Variants in CHRDL2 observed in about 807,000 individuals in gnomAD.
CHRDL2 encodes the protein chordin-like protein 2.
Under a neutral mutation model 54.3 loss-of-function variants are expected in CHRDL2, and 41 were observed. That is an observed-to-expected ratio of 0.76 (90% CI 0.59 to 0.98). CHRDL2 has a LOEUF of 0.98. Among genes scored for constraint, CHRDL2 ranks in the 50% least tolerant of loss-of-function variants. The pLI is 0.00. For missense variants in CHRDL2, 518 were observed against 562.4 expected, an observed-to-expected ratio of 0.92 and a Z score of 0.80; for synonymous variants, 220 against 224.3, an observed-to-expected ratio of 0.98 and a Z score of 0.17.
At chr11:74,700,304 G>A (rs1012805287) in intron 9 of CHRDL2, among the ~76,000 whole-genome samples, 6 of 152,228 alleles carry the variant, frequency 3.9e-5, no homozygotes, top group African/African-American at 1.2e-4. Flanking sequence ...TGGAGCCAGC[G>A]TTTGAGGCTC....
chr11:74,704,071 C>T (rs1422145382), intron 7 of CHRDL2, among the ~76,000 whole-genome samples: 1 of 152,214 alleles, frequency 6.6e-6, no homozygotes, highest in Non-Finnish European at 1.5e-5. Flanking sequence ...AACTGTCCCT[C>T]AGCACACTTC....
chr11:74,723,333 C>G (rs530908998), intron 1 of CHRDL2, among the ~76,000 whole-genome samples: 1 of 152,214 alleles, frequency 6.6e-6, no homozygotes, highest in South Asian at 2.1e-4. Flanking sequence ...ATACAGTAGT[C>G]CCCCCTCATC....
chr11:74,708,311 CCTGGCAGCAGGAGT>C lies in CHRDL2; in HGVS notation c.503_516del (p.Asp168GlyfsTer5), dbSNP rs2034075831. 6.3e-7 allele frequency: 1 copy of C among 1,579,270 alleles called. No homozygotes were observed. The highest frequency in any genetic ancestry group is 1.8e-5 in the Admixed American group (1 of 54,614). On this transcript the variant is annotated frameshift_variant, in exon 5 of 11. Coordinates refer to ENST00000376332, the MANE Select transcript of CHRDL2 (RefSeq NM_001278473.3). LOFTEE classifies it high-confidence loss of function. ...GGAGGGACAGACTCACCTTTGCAGGCCTGGCAGCAGGAGTCTGGCAGCGGGAGGGGTGCTGGGCA... is the reference window on the plus strand; with the variant it reads ...GGAGGGACAGACTCACCTTTGCAGGCCTGGCAGCGGGAGGGGTGCTGGGCA...
At chr11:74,726,329 T>C (rs2034570410) in intron 1 of CHRDL2, among the ~76,000 whole-genome samples, 1 of 152,206 alleles carries the variant, frequency 6.6e-6, no homozygotes, top group South Asian at 2.1e-4. Context: ...TTGACTAAGC[T>C]TGATTCACTC....
intron 9 of CHRDL2, chr11:74,701,397 G>A (rs2033804275): frequency 7.9e-6 from 4 of 507,296 alleles, no homozygotes; most frequent in Admixed American, 6.5e-5. Flanking sequence ...TCAGAACACA[G>A]CTGCTCCCTC....
rs766881370 is a variant in CHRDL2, at chr11:74,710,860, A to G, written c.421T>C (p.Cys141Arg). 1 of 1,613,978 alleles carries G rather than the reference A, an allele frequency of 6.2e-7. No individual in the cohort carries two copies. The highest frequency in any genetic ancestry group is 1.3e-5 in the African/African-American group (1 of 74,924). The change falls in exon 4 of 11, where the codon TGC becomes CGC. Residue 141 changes from cysteine (C) to arginine (R), a missense_variant. Physicochemically the swap from Cys to Arg is radical, Grantham distance 180 (BLOSUM62 -3). Coordinates refer to ENST00000376332, the MANE Select transcript of CHRDL2 (RefSeq NM_001278473.3). ...GCAGGAGTTCTTACTGTGCAGCTGC[A>G]GAGGACACACTGGTTGGGCAGGCGG... ...PSRLPNQCVL[C>R]SCTEGQIYCG...
chr11:74,729,337 A>G (rs1426409699), intron 1 of CHRDL2, among the ~76,000 whole-genome samples: 1 of 152,256 alleles, frequency 6.6e-6, no homozygotes, highest in Admixed American at 6.5e-5. Context: ...TGTGCTGGGC[A>G]CTTTAATCCG....
Position 74,702,812 on chromosome 11 carries a change from G to T in CHRDL2, c.1102C>A (p.Leu368Ile). ...HEASDLVEIY[L>I]WKLVKGIFHL... ...CACTCACCTTTTACCAGCTTCCAGA[G>T]GTAGATCTCCACCAAGTCCGAGGCC... is the stretch of plus-strand genomic sequence containing the variant. The change falls in exon 9 of 11, where the codon CTC (leucine) becomes ATC (isoleucine). Residue 368 changes from leucine (L) to isoleucine (I), a missense_variant. Leu to Ile is a conservative substitution (Grantham distance 5). Transcript: ENST00000376332. 6.2e-7 allele frequency: 1 copy of T among 1,614,050 alleles called. No individual in the cohort carries two copies. Among genetic ancestry groups the T allele is most frequent in the Non-Finnish European group, 8.5e-7 (1 of 1,180,006 alleles).
At chr11:74,728,934 T>C (rs1330777512) in intron 1 of CHRDL2, among the ~76,000 whole-genome samples, 1 of 152,148 alleles carries the variant, frequency 6.6e-6, no homozygotes, top group Non-Finnish European at 1.5e-5. Context: ...GTAGGGAAGA[T>C]GGAATACTGG....
chr11:74,714,284 G>C (rs2034282121), intron 2 of CHRDL2, among the ~76,000 whole-genome samples: 1 of 152,192 alleles, frequency 6.6e-6, no homozygotes, highest in Non-Finnish European at 1.5e-5. Flanking sequence ...ATGGGGCCTT[G>C]CTCCAAGTTA....
intron 1 of CHRDL2, 141 bp downstream of exon 1, chr11:74,730,666 C>T (rs781182335): frequency 2.6e-6 from 2 of 767,686 alleles, no homozygotes; most frequent in South Asian, 3.1e-5. Context: ...CCATACTGGT[C>T]CTCACGGAGT....
intron 9 of CHRDL2, among the ~76,000 whole-genome samples, chr11:74,702,091 A>C (rs2033834132): frequency 6.7e-6 from 1 of 150,186 alleles, no homozygotes; most frequent in African/African-American, 2.5e-5. Flanking sequence ...CCATCTCTAC[A>C]AAAAAAATAC....
chr11:74,718,933 G>A, intron 1 of CHRDL2, 101 bp from the exon 2 acceptor site: 2 of 722,878 alleles, frequency 2.8e-6, no homozygotes, highest in Non-Finnish European at 4.7e-6. Flanking sequence ...TGTCATCTGG[G>A]CCACTCAGGC....
intron 1 of CHRDL2, chr11:74,720,439 TC>T (rs1316470968): frequency 6.5e-6 from 1 of 153,404 alleles, no homozygotes; most frequent in East Asian, 1.9e-4. Context: ...AAAGCAGAGC[TC>T]CTTTCTCTTC....
rs1327525677 is a variant in CHRDL2 at position 74,731,356 on chromosome 11, C to A, written c.-468G>T. The A allele has an allele frequency of 6.7e-6, 1 of 148,340 alleles. No individual in the cohort carries two copies. Among genetic ancestry groups the A allele is most frequent in the Non-Finnish European group, 1.5e-5 (1 of 66,392 alleles). The allele number at this position is 148,340 out of a possible 1,614,324, so 9.2% of individuals were successfully genotyped here. ...GGGGGCCTGGGGCCCGGCGGGGCGG[C>A]GGTCCCAGCAGCGGCGGCGGCGCGG... On this transcript the variant is annotated 5_prime_UTR_variant, in exon 1 of 11. Transcript: ENST00000376332. The surrounding 1 kb of genome is among the most constrained non-coding windows in gnomAD (Gnocchi z 4.4).
At chr11:74,699,937 G>C (rs888742277) in intron 9 of CHRDL2, among the ~76,000 whole-genome samples, 8 of 152,234 alleles carry the variant, frequency 5.3e-5, no homozygotes, top group African/African-American at 1.9e-4. Context: ...GGCAGGGCCT[G>C]GCATTGTGAA....
chr11:74,716,540 C>CAAAAAAAAAA (rs751918696), intron 2 of CHRDL2, among the ~76,000 whole-genome samples: 2 of 57,624 alleles, frequency 3.5e-5, no homozygotes, highest in Admixed American at 2.1e-4. Context: ...ACTCCATCTC[C>CAAAAAAAAAA]AAAAAAAAAA....
Position 74,718,694 on chromosome 11 carries a change from G to C in CHRDL2, c.195+26C>G, listed in dbSNP as rs557854395. On this transcript the variant is annotated intron_variant, in intron 2 of 10. Coordinates refer to ENST00000376332, the MANE Select transcript of CHRDL2 (RefSeq NM_001278473.3). ...GGGTTCTCAGACATCCCTGACACAG[G>C]TGGTCAGGTGGCCAGAGGAACCTAC... is the stretch of plus-strand genomic sequence containing the variant. The C allele has an allele frequency of 2.0e-6, 3 of 1,464,792 alleles. No homozygotes were observed. The South Asian group carries it at 3.5e-5, about 17-fold the overall frequency. 90.7% of individuals were successfully genotyped at this position (1,464,792 alleles called of 1,614,324 possible). A position where few individuals can be genotyped will look rare whatever the true frequency, so the allele number is the denominator to read the frequency against.
Position 74,731,366 on chromosome 11 carries a change from A to G in CHRDL2, c.-478T>C, listed in dbSNP as rs2034652935. Reference sequence around the variant, plus strand: ...GGCCCGGCGGGGCGGCGGTCCCAGCAGCGGCGGCGGCGCGGCGGCCGCGGA... The same window carrying G: ...GGCCCGGCGGGGCGGCGGTCCCAGCGGCGGCGGCGGCGCGGCGGCCGCGGA... On this transcript the variant is annotated 5_prime_UTR_variant, in exon 1 of 11. Coordinates refer to ENST00000376332, the MANE Select transcript of CHRDL2 (RefSeq NM_001278473.3). The surrounding 1 kb of genome is among the most constrained non-coding windows in gnomAD (Gnocchi z 4.4). 6.7e-6 allele frequency: 1 copy of G among 148,636 alleles called. No homozygotes were observed. The highest frequency in any genetic ancestry group is 1.5e-5 in the Non-Finnish European group (1 of 66,574). 9.2% of individuals were successfully genotyped at this position (148,636 alleles called of 1,614,324 possible). A position where few individuals can be genotyped will look rare whatever the true frequency, so the allele number is the denominator to read the frequency against.
Sources: allele counts gnomAD v4.1 joint callset (sites outside exome capture counted in the v4.1 genomes callset), GRCh38; gene constraint gnomAD v4.1.1; non-coding constraint Gnocchi (gnomAD v3.1); transcripts MANE v1.5; gene names NCBI Gene and HGNC (gene_info 2026-07-23, HGNC 2026-07-21).